The following CDKN2C variants were observed in gnomAD, a reference collection of about 807,000 sequenced individuals.
CDKN2C encodes cyclin dependent kinase inhibitor 2C.
Under a neutral mutation model 11.0 loss-of-function variants are expected in CDKN2C, and 5 were observed. The ratio of observed to expected loss-of-function variants is 0.45; its 90% CI spans 0.24 to 0.95. CDKN2C has a LOEUF of 0.95. CDKN2C is among the 40% of genes least tolerant of loss of function. CDKN2C has a pLI of 0.21. For synonymous variants in CDKN2C, 79 were observed against 88.3 expected, an observed-to-expected ratio of 0.89 and a Z score of 0.59; for missense variants, 161 against 211.9, an observed-to-expected ratio of 0.76 and a Z score of 1.49.
chr1:50,970,322 A>G lies in CDKN2C; in HGVS notation c.-47A>G, dbSNP rs2147956367. On this transcript the variant is annotated 5_prime_UTR_variant, in exon 1 of 2. Transcript: ENST00000371761. ...GTTAGGAGCAAAGGAAAGGGGAAAA[A>G]GAAAAACGACTAATTCATCTTTTCC... The G allele has an allele frequency of 6.2e-7, 1 of 1,611,822 alleles. No homozygotes were observed. Among genetic ancestry groups the G allele is most frequent in the South Asian group, 1.1e-5 (1 of 91,006 alleles).
rs1272857498 is a variant in CDKN2C at position 50,974,017 on chromosome 1, C to G, written c.254C>G (p.Thr85Ser). The change falls in exon 2 of 2, where the codon ACT becomes AGT. Residue 85 changes from threonine (T) to serine (S), a missense_variant. Transcript: ENST00000371761. ...HDAARAGFLD[T>S]LQTLLEFQAD... ...GCGGCCAGAGCAGGTTTCCTGGACA[C>G]TTTACAGACTTTGCTGGAGTTTCAA... 1 of 1,614,214 alleles carries G rather than the reference C, an allele frequency of 6.2e-7. No individual in the cohort carries two copies. Among genetic ancestry groups the G allele is most frequent in the Non-Finnish European group, 8.5e-7 (1 of 1,180,036 alleles).
chr1:50,969,379 G>C (rs1049827179), upstream of CDKN2C: 3 of 152,302 alleles, frequency 2.0e-5, no homozygotes, highest in African/African-American at 7.2e-5. The surrounding 1 kb of genome is among the most constrained non-coding windows in gnomAD (Gnocchi z 6.6). Context: ...ATGCTGCCGC[G>C]AGCTGCCCCA....
chr1:50,969,025 G>A (rs939055573), upstream of CDKN2C: 3 of 152,776 alleles, frequency 2.0e-5, no homozygotes, highest in Non-Finnish European at 4.4e-5. This position sits in a 1 kb window ranked among gnomAD's most constrained non-coding sequence, Gnocchi z 6.6. Context: ...AGTGCTGCCA[G>A]GCTCTGCTCC....
chr1:50,974,223 A>G lies in CDKN2C; in HGVS notation c.460A>G (p.Ser154Gly). The G allele has an allele frequency of 1.9e-6, 3 of 1,594,938 alleles. No homozygotes were observed. Among genetic ancestry groups the G allele is most frequent in the Non-Finnish European group, 2.6e-6 (3 of 1,167,604 alleles). ...GCTCTATGGGAGGAATGAGGTTGTT[A>G]GCCTGATGCAGGCAAACGGGGCTGG... ...ARLYGRNEVV[S>G]LMQANGAGGA... The change falls in exon 2 of 2, where the codon AGC becomes GGC. Residue 154 changes from serine (S) to glycine (G), a missense_variant. Ser to Gly is a moderately conservative substitution (Grantham distance 56). Transcript: ENST00000371761.
At chr1:50,965,362 G>A (rs1467597212), upstream of CDKN2C, among the ~76,000 whole-genome samples, 1 of 151,990 alleles carries the variant, frequency 6.6e-6, no homozygotes, top group Non-Finnish European at 1.5e-5. Context: ...GCTGGGTGTG[G>A]TAGTGGGCGC....
chr1:50,960,844 T>A (rs1038045558), intron 1 of CDKN2C: 1 of 152,134 alleles, frequency 6.6e-6, no homozygotes, highest in Non-Finnish European at 1.5e-5. Flanking sequence ...GCATTTTTTT[T>A]AATTGATAAG....
At chr1:50,967,535 A>C (rs1223401570), upstream of CDKN2C, among the ~76,000 whole-genome samples, 1 of 152,222 alleles carries the variant, frequency 6.6e-6, no homozygotes, top group Non-Finnish European at 1.5e-5. Context: ...TACTTCAAGA[A>C]GGGTACAGAT....
intron 1 of CDKN2C, among the ~76,000 whole-genome samples, chr1:50,962,061 T>C (rs528704174): frequency 2.5e-4 from 38 of 152,362 alleles, no homozygotes; most frequent in South Asian, 2.1e-4. Context: ...TGAATCAAAA[T>C]GTCTTGCTTA....
chr1:50,962,826 T>G (rs1034301815), intron 1 of CDKN2C, among the ~76,000 whole-genome samples: 1 of 152,216 alleles, frequency 6.6e-6, no homozygotes, highest in African/African-American at 2.4e-5. Context: ...CTATTTCCTC[T>G]GATAAATGAA....
At chr1:50,966,127 C>T (rs888065242), upstream of CDKN2C, among the ~76,000 whole-genome samples, 15 of 151,550 alleles carry the variant, frequency 9.9e-5, no homozygotes, top group African/African-American at 3.4e-4. Flanking sequence ...CCGCCACTGC[C>T]TCCCAGGTTC....
chr1:50,964,372 T>A (rs140763985), intron 1 of CDKN2C, among the ~76,000 whole-genome samples: 16 of 152,198 alleles, frequency 1.1e-4, no homozygotes, highest in South Asian at 2.1e-4. Context: ...TACACTGAGA[T>A]GTGTATCACC....
At chr1:50,963,189 G>T (rs1356058127) in intron 1 of CDKN2C, among the ~76,000 whole-genome samples, 1 of 152,074 alleles carries the variant, frequency 6.6e-6, no homozygotes, top group African/African-American at 2.4e-5. Context: ...ACACAACTTA[G>T]TGCTCCAGTA....
At chr1:50,963,860 A>G (rs994691615) in intron 1 of CDKN2C, among the ~76,000 whole-genome samples, 3 of 152,212 alleles carry the variant, frequency 2.0e-5, no homozygotes, top group Non-Finnish European at 4.4e-5. Flanking sequence ...ATTTTAATTT[A>G]TCTATTCTCA....
At chr1:50,968,290 G>A (rs1372169820), upstream of CDKN2C, 2 of 152,358 alleles carry the variant, frequency 1.3e-5, no homozygotes, top group African/African-American at 2.4e-5. Context: ...TAGCGCTGAG[G>A]AACGACTCCC....
chr1:50,961,695 G>C (rs886854076), intron 1 of CDKN2C, among the ~76,000 whole-genome samples: 1 of 152,156 alleles, frequency 6.6e-6, no homozygotes, highest in African/African-American at 2.4e-5. Context: ...TTTTAAACTT[G>C]TATCATTTAT....
At chr1:50,967,541 C>G (rs1311026962), upstream of CDKN2C, among the ~76,000 whole-genome samples, 3 of 152,198 alleles carry the variant, frequency 2.0e-5, no homozygotes, top group Admixed American at 2.0e-4. Context: ...AAGAAGGGTA[C>G]AGATACTGCT....
rs372246605 is a variant in CDKN2C at position 50,973,994 on chromosome 1, G to A, written c.231G>A (p.Ala77=). 2.8e-5 allele frequency: 45 copies of A among 1,614,146 alleles called. No individual in the cohort carries two copies. The highest frequency in any genetic ancestry group is 2.6e-4 in the South Asian group (24 of 91,082). ...DRTGFAVIHD[A]ARAGFLDTLQ... ...CTGGTTTCGCTGTCATTCATGATGC[G>A]GCCAGAGCAGGTTTCCTGGACACTT... The change falls in exon 2 of 2, where the codon GCG becomes GCA. Residue 77 remains alanine (A), a synonymous_variant. Transcript: ENST00000371761.
chr1:50,972,954 A>T (rs1645388405), intron 1 of CDKN2C, among the ~76,000 whole-genome samples: 1 of 152,092 alleles, frequency 6.6e-6, no homozygotes, highest in Admixed American at 6.5e-5. Context: ...TAAATATCTT[A>T]TTTTTTCTTC....
chr1:50,960,942 T>C (rs1645315670), intron 1 of CDKN2C: 1 of 152,220 alleles, frequency 6.6e-6, no homozygotes, highest in African/African-American at 2.4e-5. Flanking sequence ...GCAGTTATAT[T>C]TGTTTTTTTA....
Sources: allele counts gnomAD v4.1 joint callset (sites outside exome capture counted in the v4.1 genomes callset), GRCh38; gene constraint gnomAD v4.1.1; non-coding constraint Gnocchi (gnomAD v3.1); transcripts MANE v1.5; gene names NCBI Gene and HGNC (gene_info 2026-07-23, HGNC 2026-07-21).